OSBPL6: variants seen among roughly 807,000 people sequenced by gnomAD.
OSBPL6 encodes the protein oxysterol-binding protein-related protein 6.
Under a neutral mutation model 125.8 loss-of-function variants are expected in OSBPL6, and 49 were observed. The ratio of observed to expected loss-of-function variants is 0.39; its 90% CI spans 0.31 to 0.49. The LOEUF (loss-of-function observed/expected upper bound fraction) is 0.49, where lower values mean the gene tolerates loss of function less well. Among genes scored for constraint, OSBPL6 ranks in the 20% least tolerant of loss-of-function variants. The pLI, the probability that OSBPL6 is intolerant of heterozygous loss-of-function variation, is 0.88. For missense variants in OSBPL6, 986 were observed against 1,135.4 expected (o/e 0.87, Z 1.89); for synonymous variants, 394 against 391.8 (o/e 1.01, Z -0.07).
chr2:178,337,561 G>A (rs977556058), intron 9 of OSBPL6, among the ~76,000 whole-genome samples: 7 of 152,162 alleles, frequency 4.6e-5, no homozygotes, highest in Non-Finnish European at 1.0e-4. Flanking sequence ...GAGACATAGC[G>A]CAGTAAGTAT....
chr2:178,264,853 C>T (rs1329520554), intron 1 of OSBPL6, among the ~76,000 whole-genome samples: 2 of 151,920 alleles, frequency 1.3e-5, no homozygotes, highest in East Asian at 3.9e-4. Context: ...TGACTGAATA[C>T]CACCCAAAAA....
chr2:178,208,241 G>A (rs334114), intron 1 of OSBPL6, among the ~76,000 whole-genome samples: 9,061 of 150,656 alleles, frequency 0.06, 707 homozygotes, highest in African/African-American at 0.18. Context: ...AGCCAAGATC[G>A]TGCCACTGCA....
intron 12 of OSBPL6, among the ~76,000 whole-genome samples, chr2:178,353,220 G>A (rs145834526): frequency 0.026 from 3,893 of 152,290 alleles, 236 homozygotes; most frequent in East Asian, 0.22. Flanking sequence ...TGCCAGCAAT[G>A]GAACAAAGCT....
chr2:178,238,936 T>G (rs577951339), intron 1 of OSBPL6, among the ~76,000 whole-genome samples: 1 of 152,332 alleles, frequency 6.6e-6, no homozygotes, highest in Non-Finnish European at 1.5e-5. Flanking sequence ...GTCACCTCCA[T>G]GTGGATGATT....
At chr2:178,270,078 C>T (rs758056564) in intron 1 of OSBPL6, among the ~76,000 whole-genome samples, 8 of 152,142 alleles carry the variant, frequency 5.3e-5, no homozygotes, top group Non-Finnish European at 7.4e-5. Context: ...GCCAGACTTG[C>T]GGACTGCCTG....
intron 8 of OSBPL6, 27 bp from the exon 9 acceptor site, chr2:178,336,274 C>G: frequency 1.9e-6 from 3 of 1,609,982 alleles, no homozygotes; most frequent in Non-Finnish European, 2.5e-6. Context: ...GTTTCATAAC[C>G]ATACAATTCA....
intron 1 of OSBPL6, among the ~76,000 whole-genome samples, chr2:178,283,360 G>A (rs186293713): frequency 1.1e-3 from 171 of 151,640 alleles, no homozygotes; most frequent in African/African-American, 3.7e-3. Context: ...GTGCTTGTGT[G>A]TGCATTTTTC....
At chr2:178,247,904 T>A (rs1274036683) in intron 1 of OSBPL6, among the ~76,000 whole-genome samples, 1 of 152,182 alleles carries the variant, frequency 6.6e-6, no homozygotes, top group Non-Finnish European at 1.5e-5. Context: ...TTTCTCTACT[T>A]ATAGGTAATT....
Position 178,331,551 on chromosome 2 carries a change from G to A in OSBPL6, c.319-1G>A. ...TAACTGGGGGTGTTTGGTTCTTGCAGCGTTTTTTTGTCCTGGATAATGGAA... is the reference window on the plus strand; with the variant it reads ...TAACTGGGGGTGTTTGGTTCTTGCAACGTTTTTTTGTCCTGGATAATGGAA... On this transcript the variant is annotated splice_acceptor_variant, in intron 5 of 24. Coordinates refer to ENST00000190611, the MANE Select transcript of OSBPL6 (RefSeq NM_032523.4). LOFTEE classifies it high-confidence loss of function. 4 of 1,614,094 alleles carry A rather than the reference G, an allele frequency of 2.5e-6. No individual in the cohort carries two copies. Among genetic ancestry groups the A allele is most frequent in the Non-Finnish European group, 3.4e-6 (4 of 1,179,954 alleles).
chr2:178,205,688 A>T lies in OSBPL6; in HGVS notation c.-351+11014A>T, dbSNP rs77879843. On this transcript the variant is annotated intron_variant, in intron 1 of 24. Transcript: ENST00000190611. Reference sequence around the variant, plus strand: ...ACAGCAGGAGATATTTCCCGTATATATGCCCAAGTCACTTTTAGGTCAGCG... The same window carrying T: ...ACAGCAGGAGATATTTCCCGTATATTTGCCCAAGTCACTTTTAGGTCAGCG... 5.5e-3 allele frequency among the ~76,000 whole-genome samples: 843 copies of T among 152,320 alleles called. 8 individuals carry two copies. Among genetic ancestry groups the T allele is most frequent in the South Asian group, 0.039 (186 of 4,824 alleles).
At chr2:178,239,665 G>A (rs973675458) in intron 1 of OSBPL6, among the ~76,000 whole-genome samples, 11 of 148,748 alleles carry the variant, frequency 7.4e-5, no homozygotes, top group Non-Finnish European at 1.3e-4. Flanking sequence ...TCGCTCTGTC[G>A]CCCAGGCTGG....
chr2:178,228,027 A>G (rs998998985), intron 1 of OSBPL6, among the ~76,000 whole-genome samples: 3 of 152,196 alleles, frequency 2.0e-5, no homozygotes, highest in African/African-American at 4.8e-5. Flanking sequence ...GTAGAATAAA[A>G]GAAGAAAAAA....
intron 1 of OSBPL6, among the ~76,000 whole-genome samples, chr2:178,226,966 C>T (rs2090590333): frequency 1.3e-5 from 2 of 152,056 alleles, no homozygotes; most frequent in Admixed American, 1.3e-4. Context: ...AATACAATTT[C>T]TGGGAATGAA....
chr2:178,388,512 G>T (rs137880786), intron 20 of OSBPL6, among the ~76,000 whole-genome samples: 5 of 152,268 alleles, frequency 3.3e-5, no homozygotes, highest in Admixed American at 1.3e-4. Context: ...AGCATTCACA[G>T]GCCTGGATGC....
intron 12 of OSBPL6, among the ~76,000 whole-genome samples, chr2:178,353,063 T>TCATCTACA (rs1236109899): frequency 6.6e-6 from 1 of 151,014 alleles, no homozygotes; most frequent in East Asian, 1.9e-4. Flanking sequence ...AACAAAAAGG[T>TCATCTACA]CATCTACACC....
intron 3 of OSBPL6, among the ~76,000 whole-genome samples, chr2:178,314,435 G>T (rs531789166): frequency 9.8e-5 from 15 of 152,314 alleles, no homozygotes; most frequent in Middle Eastern, 3.4e-3. Flanking sequence ...AAAATCTGCA[G>T]TGTCCTCTCT....
rs984756775 is a variant in OSBPL6, at chr2:178,399,641, G to T, written c.*4082G>T. The stretch of plus-strand genomic sequence containing the variant: ...AGGCAGCTTACAGATAAGTGGAAAA[G>T]AACTTACCTGTCATATGCATCCTTT... On this transcript the variant is annotated 3_prime_UTR_variant, in exon 25 of 25. Coordinates refer to ENST00000190611, the MANE Select transcript of OSBPL6 (RefSeq NM_032523.4). 2.0e-5 allele frequency: 3 copies of T among 152,192 alleles called. No individual in the cohort carries two copies. Among genetic ancestry groups the T allele is most frequent in the Non-Finnish European group, 4.4e-5 (3 of 68,022 alleles). The allele number at this position is 152,192 out of a possible 1,614,324, so 9.4% of individuals were successfully genotyped here.
At chr2:178,359,685 A>T (rs577704361) in intron 12 of OSBPL6, among the ~76,000 whole-genome samples, 9 of 152,326 alleles carry the variant, frequency 5.9e-5, no homozygotes, top group African/African-American at 2.2e-4. Flanking sequence ...GGATAAAGAA[A>T]CTGTGGTATA....
chr2:178,193,954 TGAC>T (rs1343141761), upstream of OSBPL6, among the ~76,000 whole-genome samples: 8 of 152,112 alleles, frequency 5.3e-5, no homozygotes, highest in African/African-American at 1.7e-4. Flanking sequence ...GTGTATGAAA[TGAC>T]GACCTCAGAA....
Sources: allele counts gnomAD v4.1 joint callset (sites outside exome capture counted in the v4.1 genomes callset), GRCh38; gene constraint gnomAD v4.1.1; transcripts MANE v1.5; gene names NCBI Gene and HGNC (gene_info 2026-07-23, HGNC 2026-07-21).